HIF3A: variants seen among roughly 807,000 people sequenced by gnomAD.
The protein encoded by HIF3A is hypoxia-inducible factor 3-alpha.
Under a neutral mutation model 67.2 loss-of-function variants are expected in HIF3A, and 41 were observed. That is an observed-to-expected ratio of 0.61 (90% confidence interval 0.48 to 0.79). The LOEUF (loss-of-function observed/expected upper bound fraction) is 0.79. Ranked by LOEUF, HIF3A falls within the 30% of genes least tolerant of loss-of-function variation. The probability of loss-of-function intolerance (pLI) is 0.00; values close to 1 mark genes in which losing one functional copy is unlikely to be tolerated. For missense variants in HIF3A, 855 were observed against 898.0 expected (o/e 0.95, Z 0.61); for synonymous variants, 356 against 374.8 (o/e 0.95, Z 0.58).
intron 1 of HIF3A, 137 bp from the exon 2 acceptor site, chr19:46,303,761 C>A: frequency 6.7e-7 from 1 of 1,500,158 alleles, no homozygotes; most frequent in Non-Finnish European, 9.1e-7. Flanking sequence ...CTCGACAGGG[C>A]CACACATCGA....
chr19:46,312,657 A>G lies in HIF3A; in HGVS notation c.1025+4A>G. 6.5e-7 allele frequency: 1 copy of G among 1,548,556 alleles called. No homozygotes were observed. Among genetic ancestry groups the G allele is most frequent in the Non-Finnish European group, 8.7e-7 (1 of 1,146,206 alleles). ...TCTGTGTCCATTTTTTAATCAGGTA[A>G]GCAGGAGGAGGGGCTGGGGTGGCTG... On this transcript the variant is annotated splice_donor_region_variant and intron_variant, in intron 8 of 14. Coordinates refer to ENST00000377670, the MANE Select transcript of HIF3A (RefSeq NM_152795.4).
At chr19:46,331,530 A>C (rs1251456883) in intron 13 of HIF3A, 1 of 236,740 alleles carries the variant, frequency 4.2e-6, no homozygotes, top group Non-Finnish European at 8.2e-6. Flanking sequence ...AAAAAAAAAA[A>C]AAAAAAAAAA....
At chr19:46,308,574 TG>T in intron 4 of HIF3A, 88 bp from the exon 5 acceptor site, 2 of 755,168 alleles carry the variant, frequency 2.6e-6, no homozygotes, top group Non-Finnish European at 2.2e-6. Flanking sequence ...GGGATGGAGC[TG>T]GGGAGGCCTG....
At chr19:46,311,101 G>GT (rs1199049154) in intron 6 of HIF3A, among the ~76,000 whole-genome samples, 2 of 151,916 alleles carry the variant, frequency 1.3e-5, no homozygotes, top group Admixed American at 6.6e-5. Context: ...TTCTTTTTGT[G>GT]TTTTTTTCTT....
intron 1 of HIF3A, among the ~76,000 whole-genome samples, chr19:46,301,831 AAAAAATT>A (rs201585152): frequency 0.023 from 3,502 of 151,292 alleles, 53 homozygotes; most frequent in Non-Finnish European, 0.038. Flanking sequence ...CAAAAAAAAA[AAAAAATT>A]AAAAATTAAA....
Position 46,325,556 on chromosome 19 carries a change from C to A in HIF3A, c.1357C>A (p.Pro453Thr). 6.2e-7 allele frequency: 1 copy of A among 1,613,210 alleles called. No homozygotes were observed. Among genetic ancestry groups the A allele is most frequent in the African/African-American group, 1.3e-5 (1 of 75,016 alleles). Residue 453 changes from proline to threonine, a missense_variant, in exon 11 of 15, where the codon CCT becomes ACT. By Grantham distance (38) the Pro-to-Thr change is conservative (BLOSUM62 -1). Transcript: ENST00000377670. ...ACAGGCTGATCTCCCAGATGAACTA[C>A]CTGTGGGCACCGAGAATGTGCACAG... ...PLSADLPDEL[P>T]VGTENVHRLF...
intron 13 of HIF3A, among the ~76,000 whole-genome samples, chr19:46,331,714 G>T (rs1461644899): frequency 6.6e-6 from 1 of 151,618 alleles, no homozygotes; most frequent in East Asian, 1.9e-4. Context: ...AATTAGCCGG[G>T]CATGGTGGCG....
At chr19:46,322,508 C>T (rs894643523) in intron 10 of HIF3A, among the ~76,000 whole-genome samples, 1 of 152,138 alleles carries the variant, frequency 6.6e-6, no homozygotes, top group Non-Finnish European at 1.5e-5. Flanking sequence ...GGCGCAATCT[C>T]GGCTCACTGC....
At position 46,304,067 on chromosome 19, in the gene HIF3A, A is replaced by C; in HGVS notation, c.196A>C (p.Met66Leu). 1.3e-6 allele frequency: 2 copies of C among 1,576,276 alleles called. No homozygotes were observed. The highest frequency in any genetic ancestry group is 1.7e-6 in the Non-Finnish European group (2 of 1,162,272). Residue 66 changes from methionine to leucine, a missense_variant, in exon 2 of 15, where the codon ATG becomes CTG. This residue lies in a region of HIF3A where 638 missense variants were observed against 660.5 expected (regional missense o/e 0.97). Coordinates refer to ENST00000377670, the MANE Select transcript of HIF3A (RefSeq NM_152795.4). ...GCGCCTCACCATCAGCTACCTGCGC[A>C]TGCACCGCCTCTGCGCCGCAGGTGA... ...IMRLTISYLR[M>L]HRLCAAGEWN...
chr19:46,334,824 G>A, intron 13 of HIF3A, 81 bp from the exon 14 acceptor site: 1 of 1,191,106 alleles, frequency 8.4e-7, no homozygotes, highest in Non-Finnish European at 1.2e-6. Flanking sequence ...CGAAAGTGCT[G>A]GGATTACAGT....
chr19:46,332,984 A>G (rs921460308), intron 13 of HIF3A, among the ~76,000 whole-genome samples: 2 of 136,120 alleles, frequency 1.5e-5, no homozygotes, highest in South Asian at 4.5e-4. Flanking sequence ...TCCCTCTCAG[A>G]AAAAAAAAAA....
At chr19:46,338,771 G>A (rs1971805098) in intron 14 of HIF3A, among the ~76,000 whole-genome samples, 2 of 152,104 alleles carry the variant, frequency 1.3e-5, no homozygotes, top group African/African-American at 2.4e-5. Context: ...AAATAGCAAT[G>A]CCTGGATTCA....
intron 13 of HIF3A, among the ~76,000 whole-genome samples, chr19:46,332,048 C>T (rs1334471702): frequency 6.6e-6 from 1 of 152,102 alleles, no homozygotes. Context: ...ATCAGACTGA[C>T]CTGGGTTCAA....
chr19:46,314,628 G>A (rs1969770790), intron 8 of HIF3A, among the ~76,000 whole-genome samples: 1 of 146,712 alleles, frequency 6.8e-6, no homozygotes. Context: ...CACGATCTCG[G>A]CTCACTTCAA....
chr19:46,297,878 G>A lies in HIF3A; in HGVS notation c.26+776G>A, dbSNP rs1301381100. 6.6e-6 allele frequency among the ~76,000 whole-genome samples: 1 copy of A among 151,892 alleles called. No homozygotes were observed. The highest frequency in any genetic ancestry group is 2.4e-5 in the African/African-American group (1 of 41,346). On this transcript the variant is annotated intron_variant, in intron 1 of 14. Transcript: ENST00000377670. The surrounding 1 kb of genome is among the most constrained non-coding windows in gnomAD (Gnocchi z 4.5). ...GGAGCCTCATCCAAGCTTTATTTTG[G>A]GGAGACTCCATGGCAGGGTGCTGTG...
At chr19:46,329,626 T>C (rs1971042789) in intron 12 of HIF3A, 148 bp downstream of exon 12, 1 of 979,644 alleles carries the variant, frequency 1.0e-6, no homozygotes. Flanking sequence ...CATGCCAAGT[T>C]TGTGCCAATC....
chr19:46,315,982 G>A (rs958871945), intron 8 of HIF3A, among the ~76,000 whole-genome samples: 2 of 152,114 alleles, frequency 1.3e-5, no homozygotes, highest in African/African-American at 2.4e-5. Context: ...TGTAATCCCA[G>A]CACTTTGGGA....
intron 8 of HIF3A, 193 bp downstream of exon 8, chr19:46,312,846 T>C (rs1969572225): frequency 7.6e-7 from 1 of 1,317,610 alleles, no homozygotes; most frequent in Non-Finnish European, 9.6e-7. Flanking sequence ...TGTGTCTGCA[T>C]GGACACAGGT....
chr19:46,325,454 A>G, intron 10 of HIF3A, 81 bp from the exon 11 acceptor site: 1 of 960,706 alleles, frequency 1.0e-6, no homozygotes, highest in Non-Finnish European at 1.6e-6. Context: ...CCCCACTTCT[A>G]CCCTTGAGCT....
Sources: gnomAD v4.1 joint callset for allele counts (sites outside exome capture counted in the v4.1 genomes callset) on GRCh38, gnomAD v4.1.1 for gene constraint, gnomAD v4.1.1 regional missense constraint, Gnocchi (gnomAD v3.1) non-coding constraint, MANE v1.5 for transcripts, NCBI Gene and HGNC (gene_info 2026-07-23, HGNC 2026-07-21) for gene names.